Variants in UIMC1 observed in about 807,000 individuals in gnomAD.
UIMC1 encodes BRCA1-A complex subunit RAP80.
Under a neutral mutation model 84.9 loss-of-function variants are expected in UIMC1, and 42 were observed. The observed-to-expected ratio is 0.49, with a 90% CI of 0.39 to 0.64. The LOEUF is 0.64. UIMC1 is among the 30% of genes least tolerant of loss of function. The pLI, the probability that UIMC1 is intolerant of heterozygous loss-of-function variation, is 0.00. For synonymous variants in UIMC1, 281 were observed against 293.0 expected (o/e 0.96, Z 0.42); for missense variants, 825 against 847.6 (o/e 0.97, Z 0.33).
chr5:176,927,721 G>A (rs748020289), intron 10 of UIMC1, among the ~76,000 whole-genome samples: 4 of 151,726 alleles, frequency 2.6e-5, no homozygotes, highest in Non-Finnish European at 4.4e-5. Flanking sequence ...TAACTACAGA[G>A]GACATTTTGA....
intron 10 of UIMC1, among the ~76,000 whole-genome samples, chr5:176,922,596 T>C (rs937485010): frequency 1.3e-5 from 2 of 152,262 alleles, no homozygotes; most frequent in Non-Finnish European, 2.9e-5. Flanking sequence ...CCTTATATAA[T>C]ACTTCGTCTT....
At chr5:176,936,186 C>G (rs937575241) in intron 10 of UIMC1, among the ~76,000 whole-genome samples, 24 of 152,152 alleles carry the variant, frequency 1.6e-4, no homozygotes, top group African/African-American at 5.8e-4. Flanking sequence ...ATAGCAGCCA[C>G]CATTTATTGC....
At chr5:176,938,189 CAAAAAAAAAAA>C (rs1170386962) in intron 10 of UIMC1, among the ~76,000 whole-genome samples, 3 of 56,338 alleles carry the variant, frequency 5.3e-5, no homozygotes, top group Admixed American at 2.2e-4. Flanking sequence ...GACCCTGTCT[CAAAAAAAAAAA>C]AAAAAAAAAA....
At chr5:176,913,595 C>T (rs1226037288) in intron 10 of UIMC1, among the ~76,000 whole-genome samples, 1 of 152,212 alleles carries the variant, frequency 6.6e-6, no homozygotes, top group African/African-American at 2.4e-5. Context: ...GCTGTGTTTG[C>T]TTTATTGACA....
intron 1 of UIMC1, among the ~76,000 whole-genome samples, chr5:177,019,037 T>C (rs1361088446): frequency 6.6e-6 from 1 of 152,128 alleles, no homozygotes; most frequent in Non-Finnish European, 1.5e-5. Context: ...GATAAATAAG[T>C]AGTTTGTGAC....
At chr5:176,966,238 T>C (rs1277805751) in intron 6 of UIMC1, among the ~76,000 whole-genome samples, 2 of 152,240 alleles carry the variant, frequency 1.3e-5, no homozygotes, top group African/African-American at 2.4e-5. Flanking sequence ...ATGCTATGCA[T>C]TGCAGTAGAC....
intron 1 of UIMC1, among the ~76,000 whole-genome samples, chr5:177,021,273 C>A (rs1217468782): frequency 6.6e-6 from 1 of 151,994 alleles, no homozygotes; most frequent in African/African-American, 2.4e-5. Flanking sequence ...CAAAACTCTG[C>A]CTCAAAAACA....
At chr5:177,007,770 G>A (rs546209126), upstream of UIMC1, among the ~76,000 whole-genome samples, 9 of 152,212 alleles carry the variant, frequency 5.9e-5, no homozygotes, top group South Asian at 1.9e-3. Context: ...GTGGGGAGAA[G>A]CAAACAGGAC....
rs143073186 is a variant in UIMC1 at position 176,970,494 on chromosome 5, A to G, written c.357+248T>C. ...TTTTCAGAAGCTGTCAACTTATGAT[A>G]ATTCTTTCAACCATGAACTAAAAAA... On this transcript the variant is annotated intron_variant, in intron 4 of 14. Transcript: ENST00000511320. 364 of 504,788 alleles carry G rather than the reference A, an allele frequency of 7.2e-4. 3 individuals are homozygous for G. The highest frequency in any genetic ancestry group is 6.2e-3 in the African/African-American group (320 of 51,726). 31.3% of individuals were successfully genotyped at this position (504,788 alleles called of 1,614,324 possible). A position where few individuals can be genotyped will look rare whatever the true frequency, so the allele number is the denominator to read the frequency against.
chr5:176,941,788 T>C (rs947584700), intron 10 of UIMC1, among the ~76,000 whole-genome samples: 11 of 152,146 alleles, frequency 7.2e-5, no homozygotes, highest in African/African-American at 2.7e-4. Context: ...GGGCTGTGAT[T>C]AACAAGATTT....
exon 1 of UIMC1, chr5:177,022,515 G>A (rs143230660): frequency 0.012 from 5,895 of 506,514 alleles, 52 homozygotes; most frequent in South Asian, 0.025. Flanking sequence ...TCTCCGGGAG[G>A]GGGGGGTCAC....
At position 176,943,468 on chromosome 5, in the gene UIMC1, A is replaced by G. The variant is rs888207138; in HGVS notation, c.1464T>C (p.Ala488=). Residue 488 remains alanine, a synonymous_variant, in exon 10 of 15, where the codon GCT becomes GCC. Transcript: ENST00000511320. ...AGGTAGAAATAGCTACTTCCTTCTC[A>G]GCATCTTCCTTGTTACCAACCTGAA... ...ADKEVGNKED[A]EKEVAISTFS... The G allele has an allele frequency of 1.4e-5, 23 of 1,613,984 alleles. No homozygotes were observed. Among genetic ancestry groups the G allele is most frequent in the Non-Finnish European group, 1.9e-5 (22 of 1,179,984 alleles).
At chr5:177,010,045 G>A (rs76009249), upstream of UIMC1, among the ~76,000 whole-genome samples, 1 of 148,768 alleles carries the variant, frequency 6.7e-6, no homozygotes, top group African/African-American at 2.5e-5. Context: ...CGTGTGGCCA[G>A]AAAAAAAAAA....
At chr5:176,990,475 G>C (rs779362474) in intron 1 of UIMC1, among the ~76,000 whole-genome samples, 13 of 151,968 alleles carry the variant, frequency 8.6e-5, no homozygotes, top group Non-Finnish European at 1.6e-4. Flanking sequence ...AGCAGGAAAA[G>C]GTTAAAAACC....
intron 11 of UIMC1, 133 bp downstream of exon 11, chr5:176,911,178 A>C (rs1261631054): frequency 1.9e-6 from 1 of 539,192 alleles, no homozygotes; most frequent in Non-Finnish European, 3.1e-6. Flanking sequence ...AAGAAAAGAA[A>C]ATTCAGGCAT....
At chr5:176,979,543 C>A (rs1373043786) in intron 2 of UIMC1, among the ~76,000 whole-genome samples, 4 of 150,816 alleles carry the variant, frequency 2.7e-5, no homozygotes, top group Non-Finnish European at 5.9e-5. Context: ...GCGGACGTCG[C>A]AGTGAGCCGA....
chr5:176,970,546 A>G (rs1769053019), intron 4 of UIMC1, 196 bp downstream of exon 4: 7 of 768,162 alleles, frequency 9.1e-6, no homozygotes, highest in Non-Finnish European at 1.0e-5. Context: ...AAACTCTTTC[A>G]TATAGAATTA....
In UIMC1 at chr5:176,969,225, T is replaced by G. The variant is rs770266578; in HGVS notation, c.530A>C (p.Glu177Ala). The change falls in exon 6 of 15, where the codon GAG (glutamate) becomes GCG (alanine). Residue 177 changes from glutamate (E) to alanine (A), a missense_variant. Glu to Ala is a moderately radical substitution (Grantham distance 107, BLOSUM62 -1). Transcript: ENST00000511320. ...GSHISQGNEA[E>A]EREEPWDHTE... Reference sequence around the variant, plus strand: ...GTGGTCCCAAGGCTCCTCTCTTTCCTCAGCCTCGTTTCCCTGACTGATATG... The same window carrying G: ...GTGGTCCCAAGGCTCCTCTCTTTCCGCAGCCTCGTTTCCCTGACTGATATG... 2 of 1,614,224 alleles carry G rather than the reference T, an allele frequency of 1.2e-6. No individual in the cohort carries two copies. The highest frequency in any genetic ancestry group is 1.7e-6 in the Non-Finnish European group (2 of 1,180,034).
chr5:176,948,808 A>AC (rs1765458469), intron 9 of UIMC1, among the ~76,000 whole-genome samples: 1 of 152,174 alleles, frequency 6.6e-6, no homozygotes, highest in East Asian at 1.9e-4. Flanking sequence ...TCCTTGTACT[A>AC]CACCATATCA....
Sources: gnomAD v4.1 joint callset for allele counts (sites outside exome capture counted in the v4.1 genomes callset) on GRCh38, gnomAD v4.1.1 for gene constraint, MANE v1.5 for transcripts, NCBI Gene and HGNC (gene_info 2026-07-23, HGNC 2026-07-21) for gene names.